The following KLRG1 variants were observed in gnomAD, a reference collection of about 807,000 sequenced individuals.
KLRG1 encodes the protein killer cell lectin-like receptor subfamily G member 1.
KLRG1 carries 16 observed loss-of-function variants against 21.8 expected under a neutral mutation model. The observed-to-expected ratio is 0.73, with a 90% CI of 0.50 to 1.11. The LOEUF is 1.11. KLRG1 is among the 50% of genes most tolerant of loss of function. The pLI is 0.00. For synonymous variants in KLRG1, 69 were observed against 75.9 expected, an observed-to-expected ratio of 0.91 and a Z score of 0.47; for missense variants, 173 against 218.3, an observed-to-expected ratio of 0.79 and a Z score of 1.31.
At chr12:9,028,197 G>A in the KLRG1 span, 1 of 594,694 alleles carries the variant, frequency 1.7e-6, no homozygotes, top group Non-Finnish European at 3.0e-6. Context: ...TGTCACCTAG[G>A]CTGGAATGCA....
At chr12:9,126,397 A>G in the KLRG1 span, among the ~76,000 whole-genome samples, 1 of 152,222 alleles carries the variant, frequency 6.6e-6, no homozygotes. Flanking sequence ...CAAGTGACAC[A>G]GGACTTTTTG....
At chr12:9,073,488 C>A in the KLRG1 span, among the ~76,000 whole-genome samples, 1 of 152,174 alleles carries the variant, frequency 6.6e-6, no homozygotes, top group Non-Finnish European at 1.5e-5. Flanking sequence ...AACATTAAAC[C>A]TGCTTGGCCT....
chr12:9,072,219 A>G, the KLRG1 span: 1 of 975,114 alleles, frequency 1.0e-6, no homozygotes, highest in Non-Finnish European at 1.5e-6. Flanking sequence ...TTGAGAAATT[A>G]TATCAACTTA....
chr12:9,103,118 G>A, the KLRG1 span, among the ~76,000 whole-genome samples: 1 of 152,144 alleles, frequency 6.6e-6, no homozygotes, highest in Admixed American at 6.5e-5. Flanking sequence ...AATAAAGTAA[G>A]GTAATAATTT....
the KLRG1 span, among the ~76,000 whole-genome samples, chr12:9,025,924 A>G: frequency 6.6e-5 from 10 of 152,226 alleles, no homozygotes; most frequent in African/African-American, 2.4e-4. Flanking sequence ...TTGGGGGTCT[A>G]TGGACAGCAG....
At chr12:8,966,535 G>A (rs1946475917) in intron 1 of KLRG1, among the ~76,000 whole-genome samples, 1 of 152,108 alleles carries the variant, frequency 6.6e-6, no homozygotes, top group South Asian at 2.1e-4. Context: ...GATATGAACA[G>A]ACACTTCTCA....
chr12:9,154,719 G>A, the KLRG1 span: 36 of 1,614,002 alleles, frequency 2.2e-5, no homozygotes, highest in South Asian at 1.8e-4. Flanking sequence ...TGGCTGGGCC[G>A]TGAGATAAGC....
the KLRG1 span, chr12:9,153,224 T>A: frequency 6.2e-7 from 1 of 1,614,208 alleles, no homozygotes; most frequent in South Asian, 1.1e-5. Context: ...TGTTGTTGTC[T>A]ACTTGGAAAT....
At chr12:9,109,170 CAGG>C in the KLRG1 span, 4 of 600,542 alleles carry the variant, frequency 6.7e-6, no homozygotes, top group African/African-American at 5.6e-5. Flanking sequence ...AGAAAAGCAA[CAGG>C]AGAATAACAT....
the KLRG1 span, among the ~76,000 whole-genome samples, chr12:9,131,318 G>A: frequency 6.6e-6 from 1 of 151,986 alleles, no homozygotes; most frequent in Admixed American, 6.6e-5. Flanking sequence ...AAAAGTGAGA[G>A]TTTACTATAC....
the KLRG1 span, among the ~76,000 whole-genome samples, chr12:9,019,775 G>C: frequency 6.6e-6 from 1 of 152,052 alleles, no homozygotes; most frequent in Non-Finnish European, 1.5e-5. Context: ...AATAGAGATG[G>C]GGGTCTCACT....
At chr12:9,200,229 T>A in the KLRG1 span, 1 of 524,710 alleles carries the variant, frequency 1.9e-6, no homozygotes, top group Non-Finnish European at 3.3e-6. Context: ...TAATAGTAAG[T>A]CGTTAAATAA....
chr12:9,099,610 T>G, the KLRG1 span: 1 of 1,430,774 alleles, frequency 7.0e-7, no homozygotes. Context: ...AAACAGTAGA[T>G]GTAACAAATG....
At chr12:9,042,169 C>T in the KLRG1 span, among the ~76,000 whole-genome samples, 2 of 152,132 alleles carry the variant, frequency 1.3e-5, no homozygotes, top group Non-Finnish European at 2.9e-5. Context: ...TATACCAGCT[C>T]GTTTCTTTTA....
At chr12:9,018,219 C>A in the KLRG1 span, among the ~76,000 whole-genome samples, 1 of 151,814 alleles carries the variant, frequency 6.6e-6, no homozygotes, top group African/African-American at 2.4e-5. Context: ...CAATTCCTAT[C>A]AAAATACCAA....
the KLRG1 span, among the ~76,000 whole-genome samples, chr12:9,161,936 G>T: frequency 5.9e-5 from 9 of 151,978 alleles, no homozygotes; most frequent in African/African-American, 2.2e-4. Context: ...TCATGACCCT[G>T]CTGTCTTTAG....
chr12:9,202,011 T>A, the KLRG1 span, among the ~76,000 whole-genome samples: 21 of 152,228 alleles, frequency 1.4e-4, no homozygotes, highest in African/African-American at 5.1e-4. Flanking sequence ...AATCATAAAT[T>A]CCTTGAAAGT....
chr12:9,076,954 G>C, the KLRG1 span: 2 of 1,559,228 alleles, frequency 1.3e-6, no homozygotes, highest in East Asian at 4.5e-5. Flanking sequence ...GGCAGAACAA[G>C]AAGGGAACTA....
chr12:9,012,909 T>C (rs1351813474), downstream of KLRG1, among the ~76,000 whole-genome samples: 1 of 152,304 alleles, frequency 6.6e-6, no homozygotes, highest in East Asian at 1.9e-4. Context: ...GACCCAGTGC[T>C]ATGCTGGCTT....
Sources: gnomAD v4.1 joint callset for allele counts (sites outside exome capture counted in the v4.1 genomes callset) on GRCh38, gnomAD v4.1.1 for gene constraint, MANE v1.5 for transcripts, NCBI Gene and HGNC (gene_info 2026-07-23, HGNC 2026-07-21) for gene names.